The following SPDYA variants were observed in gnomAD, a reference collection of about 807,000 sequenced individuals.
SPDYA encodes the protein speedy/RINGO cell cycle regulator family member A, also known as speedy protein A.
SPDYA carries 11 observed loss-of-function variants against 36.7 expected under a neutral mutation model. That is an observed-to-expected ratio of 0.30 (90% CI 0.19 to 0.50). SPDYA has a LOEUF of 0.50. Among genes scored for constraint, SPDYA ranks in the 20% least tolerant of loss-of-function variants. SPDYA has a pLI of 0.98. For synonymous variants in SPDYA, 115 were observed against 118.7 expected, an observed-to-expected ratio of 0.97 and a Z score of 0.20; for missense variants, 287 against 370.9, an observed-to-expected ratio of 0.77 and a Z score of 1.86.
At chr2:28,816,865 T>G (rs1201134101) in intron 3 of SPDYA, among the ~76,000 whole-genome samples, 2 of 151,614 alleles carry the variant, frequency 1.3e-5, no homozygotes, top group African/African-American at 4.8e-5. Context: ...AGAGGGAATT[T>G]TTTTTTTTTG....
chr2:28,816,141 T>C lies in SPDYA; in HGVS notation c.127T>C (p.Trp43Arg), dbSNP rs147671438. Reference sequence around the variant, plus strand: ...GAAGCGTCCTATTTGTAAAGATAATTGGCAAGCATTTGAAAAAAATACACA... The same window carrying C: ...GAAGCGTCCTATTTGTAAAGATAATCGGCAAGCATTTGAAAAAAATACACA... ...TLKRPICKDN[W>R]QAFEKNTHNN... The change falls in exon 3 of 8, where the codon TGG becomes CGG. Residue 43 changes from tryptophan (W) to arginine (R), a missense_variant. Transcript: ENST00000334056. 1.3e-3 allele frequency: 2,092 copies of C among 1,614,024 alleles called. 25 individuals carry two copies. In the African/African-American group the frequency reaches 0.024, roughly 19 times the overall value.
At chr2:28,816,352 T>G (rs992399057) in intron 3 of SPDYA, 103 bp downstream of exon 3, 4 of 921,834 alleles carry the variant, frequency 4.3e-6, no homozygotes, top group Non-Finnish European at 6.1e-6. Flanking sequence ...ATCATTATTT[T>G]TGTATTAAAT....
At position 28,850,064 on chromosome 2, in the gene SPDYA, T is replaced by C. The variant is rs1669006046; in HGVS notation, c.*123T>C. ...GTTATACATCTTTTAGTTGTTATTTTCAAAATTATATGTATAAGTTATATA... is the reference window on the plus strand; with the variant it reads ...GTTATACATCTTTTAGTTGTTATTTCCAAAATTATATGTATAAGTTATATA... On this transcript the variant is annotated 3_prime_UTR_variant, in exon 8 of 8. Transcript: ENST00000334056. The C allele has an allele frequency of 2.6e-6, 3 of 1,163,582 alleles. No individual in the cohort carries two copies. The African/African-American group carries it at 4.7e-5, about 18-fold the overall frequency. The allele number at this position is 1,163,582 out of a possible 1,614,324, so 72.1% of individuals were successfully genotyped here.
At chr2:28,838,516 G>A (rs2148102405) in intron 6 of SPDYA, among the ~76,000 whole-genome samples, 1 of 152,098 alleles carries the variant, frequency 6.6e-6, no homozygotes, top group East Asian at 1.9e-4. Context: ...TAGCTCTCTT[G>A]ACCCTGGTAG....
chr2:28,850,366 T>C lies in SPDYA; in HGVS notation c.*425T>C, dbSNP rs1365798359. ...TTGCCAGTGTACTGGTCTAGCAACA[T>C]AGGGAAATGATCCATATGGAAAATC... On this transcript the variant is annotated 3_prime_UTR_variant, in exon 8 of 8. Transcript: ENST00000334056. The C allele has an allele frequency of 3.1e-6, 5 of 1,610,566 alleles. No individual in the cohort carries two copies. The African/African-American group carries it at 6.7e-5, about 22-fold the overall frequency.
chr2:28,849,395 G>A (rs927785505), intron 7 of SPDYA, among the ~76,000 whole-genome samples: 4 of 152,108 alleles, frequency 2.6e-5, no homozygotes, highest in South Asian at 2.1e-4. Flanking sequence ...AGGTTTAAGC[G>A]ATTCTCCTGC....
Position 28,811,843 on chromosome 2 carries a change from C to T in SPDYA, c.-93+896C>T, listed in dbSNP as rs1667854901. On this transcript the variant is annotated intron_variant, in intron 1 of 7. Transcript: ENST00000334056. This position sits in a 1 kb window ranked among gnomAD's most constrained non-coding sequence, Gnocchi z 4.2. ...TGGTGGCGGGCGCCTGTAATCCCAGCTCCTCGGGAGGCTGAGGCGGGAGAA... is the reference window on the plus strand; with the variant it reads ...TGGTGGCGGGCGCCTGTAATCCCAGTTCCTCGGGAGGCTGAGGCGGGAGAA... Among the ~76,000 whole-genome samples, 1 of 152,032 alleles carries T rather than the reference C, an allele frequency of 6.6e-6. No individual in the cohort carries two copies. The highest frequency in any genetic ancestry group is 1.5e-5 in the Non-Finnish European group (1 of 68,002).
At chr2:28,812,820 G>T (rs1667882073) in intron 1 of SPDYA, among the ~76,000 whole-genome samples, 1 of 132,758 alleles carries the variant, frequency 7.5e-6, no homozygotes, top group East Asian at 2.1e-4. Flanking sequence ...TCGAGCCATT[G>T]CACTCCAGCC....
chr2:28,825,199 A>T (rs1187558033), intron 5 of SPDYA, among the ~76,000 whole-genome samples: 1 of 152,028 alleles, frequency 6.6e-6, no homozygotes, highest in Non-Finnish European at 1.5e-5. Context: ...TATATATCTC[A>T]GTATTGTATT....
Position 28,825,497 on chromosome 2 carries a change from C to T in SPDYA, c.380+3087C>T, listed in dbSNP as rs187441813. On this transcript the variant is annotated intron_variant, in intron 5 of 7. Transcript: ENST00000334056. ...TTTGTATGGCCTCAATAGTTCTCCTCGTTAAATATTTTCTCAGCCATAGTT... is the reference window on the plus strand; with the variant it reads ...TTTGTATGGCCTCAATAGTTCTCCTTGTTAAATATTTTCTCAGCCATAGTT... Among the ~76,000 whole-genome samples the T allele has an allele frequency of 1.8e-3, 279 of 152,114 alleles. 2 individuals are homozygous for T. The highest frequency in any genetic ancestry group is 6.3e-3 in the African/African-American group (260 of 41,462).
chr2:28,849,721 GT>G (rs1668987113), intron 7 of SPDYA, 128 bp from the exon 8 acceptor site: 1 of 570,170 alleles, frequency 1.8e-6, no homozygotes, highest in African/African-American at 2.0e-5. Flanking sequence ...TCATTCTTAA[GT>G]TTCCCCCCAT....
intron 6 of SPDYA, 50 bp from the exon 7 acceptor site, chr2:28,840,122 G>C: frequency 6.6e-7 from 1 of 1,524,506 alleles, no homozygotes; most frequent in Non-Finnish European, 8.9e-7. Flanking sequence ...CTCAATTTTA[G>C]TAAATTTTGA....
chr2:28,815,522 A>G (rs1667962259), intron 2 of SPDYA, among the ~76,000 whole-genome samples: 1 of 151,870 alleles, frequency 6.6e-6, no homozygotes, highest in East Asian at 1.9e-4. Context: ...GTTTTGTGGG[A>G]GGGGGGGTGC....
chr2:28,829,343 A>G, intron 6 of SPDYA, 24 bp downstream of exon 6: 1 of 1,579,700 alleles, frequency 6.3e-7, no homozygotes, highest in Non-Finnish European at 8.5e-7. Context: ...AATGCTTTAT[A>G]TATGTAATCT....
At chr2:28,837,046 C>CT (rs1244850700) in intron 6 of SPDYA, among the ~76,000 whole-genome samples, 1 of 152,174 alleles carries the variant, frequency 6.6e-6, no homozygotes, top group Non-Finnish European at 1.5e-5. Flanking sequence ...GAGTTCTTCA[C>CT]TATCTATTAC....
rs753045663 is a variant in SPDYA at position 28,816,166 on chromosome 2, A to G, written c.152A>G (p.His51Arg). Residue 51 changes from histidine to arginine, a missense_variant, in exon 3 of 8, where the codon CAT (histidine) becomes CGT (arginine). Physicochemically the swap from His to Arg is conservative, Grantham distance 29 (BLOSUM62 0). Transcript: ENST00000334056. ...TGGCAAGCATTTGAAAAAAATACAC[A>G]TAATAACAACAAATCTAAACGCCCC... ...DNWQAFEKNT[H>R]NNNKSKRPKG... 7 of 1,613,872 alleles carry G rather than the reference A, an allele frequency of 4.3e-6. No individual in the cohort carries two copies. The highest frequency in any genetic ancestry group is 5.9e-6 in the Non-Finnish European group (7 of 1,179,764).
At position 28,845,855 on chromosome 2, in the gene SPDYA, T is replaced by C. The variant is rs1020835364; in HGVS notation, c.851-3995T>C. ...CCACCGCGCCCGACCTGTCTGCTCA[T>C]TTTCTACGATTAATCACCTTATATA... On this transcript the variant is annotated intron_variant, in intron 7 of 7. Coordinates refer to ENST00000334056, the MANE Select transcript of SPDYA (RefSeq NM_182756.4). Among the ~76,000 whole-genome samples, 8 of 152,140 alleles carry C rather than the reference T, an allele frequency of 5.3e-5. 1 individual carries two copies. The highest frequency in any genetic ancestry group is 1.2e-4 in the Non-Finnish European group (8 of 68,028).
At chr2:28,824,486 A>C (rs1342623788) in intron 5 of SPDYA, among the ~76,000 whole-genome samples, 2 of 100,446 alleles carry the variant, frequency 2.0e-5, no homozygotes, top group East Asian at 1.2e-3. Flanking sequence ...GAGAAAAAAA[A>C]AAAAACAAAA....
intron 5 of SPDYA, among the ~76,000 whole-genome samples, chr2:28,823,702 A>AATACATATAT (rs1553315097): frequency 2.0e-5 from 1 of 49,228 alleles, no homozygotes. Flanking sequence ...GGAATGCATG[A>AATACATATAT]ATATATATAT....
Sources: allele counts gnomAD v4.1 joint callset (sites outside exome capture counted in the v4.1 genomes callset), GRCh38; gene constraint gnomAD v4.1.1; non-coding constraint Gnocchi (gnomAD v3.1); transcripts MANE v1.5; gene names NCBI Gene and HGNC (gene_info 2026-07-23, HGNC 2026-07-21).